CFAP77: variants seen among roughly 807,000 people sequenced by gnomAD.
The protein encoded by CFAP77 is cilia and flagella associated protein 77.
Under a neutral mutation model 31.1 loss-of-function variants are expected in CFAP77, and 25 were observed. The observed-to-expected ratio is 0.80, with a 90% CI of 0.59 to 1.12. CFAP77 has a LOEUF of 1.12. Among genes scored for constraint, CFAP77 ranks in the 50% most tolerant of loss-of-function variants. The probability of loss-of-function intolerance (pLI) is 0.00; values close to 1 mark genes in which losing one functional copy is unlikely to be tolerated. For synonymous variants in CFAP77, 151 were observed against 159.9 expected (o/e 0.94, Z 0.42); for missense variants, 377 against 397.3 (o/e 0.95, Z 0.44).
chr9:132,572,507 CT>C lies in CFAP77; in HGVS notation c.853del (p.Ter285SerfsTer12), dbSNP rs769250151. On this transcript the variant is annotated frameshift_variant and stop_lost, in exon 6 of 6. Coordinates refer to ENST00000393216, the MANE Select transcript of CFAP77 (RefSeq NM_001282957.2). LOFTEE classifies it high-confidence loss of function. ...TLRMGNYTHP[*>X] ...TGCGGATGGGCAACTACACCCACCC[CT>C]AGCCCCTCCCTCCCCTGCCACAAGA... 1.6e-5 allele frequency: 25 copies of C among 1,603,960 alleles called. No homozygotes were observed. Among genetic ancestry groups the C allele is most frequent in the East Asian group, 4.5e-5 (2 of 44,788 alleles).
chr9:132,503,612 T>C (rs1272941315), intron 3 of CFAP77, among the ~76,000 whole-genome samples: 1 of 152,178 alleles, frequency 6.6e-6, no homozygotes, highest in Admixed American at 6.5e-5. Flanking sequence ...CCAATTTATT[T>C]TCATGGTTAT....
At chr9:132,541,727 C>CA (rs528660432) in intron 4 of CFAP77, among the ~76,000 whole-genome samples, 3 of 151,922 alleles carry the variant, frequency 2.0e-5, no homozygotes, top group Non-Finnish European at 4.4e-5. Context: ...ACAAAAAACA[C>CA]AAAAAAACGG....
At chr9:132,438,519 GTATATATATATA>G (rs34631762) in intron 1 of CFAP77, among the ~76,000 whole-genome samples, 3 of 116,676 alleles carry the variant, frequency 2.6e-5, no homozygotes, top group African/African-American at 1.0e-4. Flanking sequence ...AACAGATATG[GTATATATATATA>G]TATATATATA....
chr9:132,468,316 G>T (rs1393368054), intron 1 of CFAP77, among the ~76,000 whole-genome samples: 2 of 152,172 alleles, frequency 1.3e-5, no homozygotes, highest in Non-Finnish European at 2.9e-5. Flanking sequence ...ACTGCCTCCA[G>T]CCTGGGCAAC....
chr9:132,444,974 C>CTT (rs564127221), intron 1 of CFAP77, among the ~76,000 whole-genome samples: 141 of 133,748 alleles, frequency 1.1e-3, no homozygotes, highest in Admixed American at 2.4e-3. Flanking sequence ...TTCTTTCTTT[C>CTT]TTTTTTTTTT....
intron 1 of CFAP77, among the ~76,000 whole-genome samples, chr9:132,466,913 C>T (rs940858623): frequency 3.3e-5 from 5 of 152,230 alleles, no homozygotes; most frequent in Non-Finnish European, 5.9e-5. Flanking sequence ...TGCAGTGGCT[C>T]ACACCTGTAA....
At chr9:132,418,575 C>A (rs1269855201) in intron 1 of CFAP77, among the ~76,000 whole-genome samples, 1 of 152,196 alleles carries the variant, frequency 6.6e-6, no homozygotes, top group Non-Finnish European at 1.5e-5. Context: ...AAAATCCCCG[C>A]CTTTGAATCC....
intron 3 of CFAP77, among the ~76,000 whole-genome samples, chr9:132,516,590 TACACAC>T (rs34683089): frequency 1.8e-4 from 26 of 145,046 alleles, no homozygotes; most frequent in Admixed American, 1.0e-3. Context: ...CACACAGAAA[TACACAC>T]ACACACACAC....
At chr9:132,558,068 G>C (rs1164936624) in intron 5 of CFAP77, among the ~76,000 whole-genome samples, 1 of 152,172 alleles carries the variant, frequency 6.6e-6, no homozygotes, top group African/African-American at 2.4e-5. Context: ...TTGTAACAGA[G>C]GTTGGCCATC....
chr9:132,532,927 C>T (rs1242087764), intron 3 of CFAP77, among the ~76,000 whole-genome samples: 1 of 152,194 alleles, frequency 6.6e-6, no homozygotes, highest in Admixed American at 6.5e-5. Flanking sequence ...GTGGCGCACG[C>T]CTGAGGTCCC....
chr9:132,447,377 A>G (rs942188948), intron 1 of CFAP77, among the ~76,000 whole-genome samples: 12 of 152,174 alleles, frequency 7.9e-5, no homozygotes, highest in African/African-American at 2.9e-4. Flanking sequence ...CCAAGAAAGG[A>G]GAAGTCATAT....
intron 1 of CFAP77, among the ~76,000 whole-genome samples, chr9:132,475,726 C>T (rs1313902978): frequency 6.6e-6 from 1 of 152,212 alleles, no homozygotes; most frequent in Non-Finnish European, 1.5e-5. Flanking sequence ...GAGCATTGCT[C>T]TCCTAGTTCA....
chr9:132,412,527 C>T (rs1180319815), intron 1 of CFAP77, among the ~76,000 whole-genome samples: 1 of 152,030 alleles, frequency 6.6e-6, no homozygotes, highest in African/African-American at 2.4e-5. Context: ...GGAACCTTGA[C>T]TGTTATCTTT....
rs1432735980 is a variant in CFAP77 at position 132,573,088 on chromosome 9, CG to C, written c.*579del. ...CCCCGCCTCCTCAGTGCTGGGGCCC[CG>C]TCAATCAAGCAGGCCAAGTTGGACT... On this transcript the variant is annotated 3_prime_UTR_variant, in exon 6 of 6. Coordinates refer to ENST00000393216, the MANE Select transcript of CFAP77 (RefSeq NM_001282957.2). 1 of 152,334 alleles carries C rather than the reference CG, an allele frequency of 6.6e-6. No individual in the cohort carries two copies. Among genetic ancestry groups the C allele is most frequent in the African/African-American group, 2.4e-5 (1 of 41,412 alleles). 9.4% of individuals were successfully genotyped at this position (152,334 alleles called of 1,614,324 possible).
intron 3 of CFAP77, among the ~76,000 whole-genome samples, chr9:132,519,352 GTGGGTGGATGGT>G (rs1210571984): frequency 7.6e-6 from 1 of 132,292 alleles, no homozygotes; most frequent in Non-Finnish European, 1.6e-5. Flanking sequence ...GGGTGGGCAA[GTGGGTGGATGGT>G]TGGGTGGATG....
chr9:132,538,959 T>C (rs1009712559), intron 4 of CFAP77, among the ~76,000 whole-genome samples: 1 of 151,012 alleles, frequency 6.6e-6, no homozygotes. Flanking sequence ...TGGTGGCATG[T>C]GCCTGTAGTC....
chr9:132,541,746 G>T (rs147996985), intron 4 of CFAP77, among the ~76,000 whole-genome samples: 1 of 152,264 alleles, frequency 6.6e-6, no homozygotes, highest in African/African-American at 2.4e-5. Context: ...GGGTAGGGGG[G>T]TTTGTAAGTG....
chr9:132,568,061 G>A (rs1829908319), intron 5 of CFAP77, among the ~76,000 whole-genome samples: 2 of 152,218 alleles, frequency 1.3e-5, no homozygotes, highest in African/African-American at 4.8e-5. Flanking sequence ...CGAGGAGGAA[G>A]GAATGGACAG....
intron 1 of CFAP77, among the ~76,000 whole-genome samples, chr9:132,432,036 C>G (rs888770019): frequency 6.6e-6 from 1 of 152,040 alleles, no homozygotes; most frequent in Non-Finnish European, 1.5e-5. Flanking sequence ...TGTGAAGAAC[C>G]AAAAATAAAG....
Sources: gnomAD v4.1 joint callset for allele counts (sites outside exome capture counted in the v4.1 genomes callset) on GRCh38, gnomAD v4.1.1 for gene constraint, MANE v1.5 for transcripts, NCBI Gene and HGNC (gene_info 2026-07-23, HGNC 2026-07-21) for gene names.